Variants in PLPPR5 observed in about 807,000 individuals in gnomAD.
PLPPR5 encodes phospholipid phosphatase related 5.
PLPPR5 carries 16 observed loss-of-function variants against 33.9 expected under a neutral mutation model. The ratio of observed to expected loss-of-function variants is 0.47; its 90% CI spans 0.32 to 0.72. The LOEUF (loss-of-function observed/expected upper bound fraction) is 0.72. Among genes scored for constraint, PLPPR5 ranks in the 30% least tolerant of loss-of-function variants. The probability of loss-of-function intolerance (pLI) is 0.03; values close to 1 mark genes in which losing one functional copy is unlikely to be tolerated. For missense variants in PLPPR5, 301 were observed against 406.7 expected (o/e 0.74, Z 2.23); for synonymous variants, 163 against 150.3 (o/e 1.08, Z -0.62).
intron 5 of PLPPR5, among the ~76,000 whole-genome samples, chr1:98,910,618 C>A (rs751956781): frequency 1.8e-4 from 28 of 151,964 alleles, no homozygotes; most frequent in Non-Finnish European, 4.4e-5. Flanking sequence ...AATTATCTGC[C>A]CAATTATTTC....
chr1:98,985,942 A>AT (rs1404611454), intron 1 of PLPPR5, among the ~76,000 whole-genome samples: 1 of 152,022 alleles, frequency 6.6e-6, no homozygotes, highest in Non-Finnish European at 1.5e-5. Flanking sequence ...AATGCAACAT[A>AT]TTTTGAGGTG....
chr1:99,005,501 T>C (rs1312638899), upstream of PLPPR5, among the ~76,000 whole-genome samples: 1 of 152,152 alleles, frequency 6.6e-6, no homozygotes, highest in Non-Finnish European at 1.5e-5. Context: ...CAAATAATAA[T>C]AGAAATCATA....
chr1:98,970,420 T>C (rs932198807), intron 1 of PLPPR5, among the ~76,000 whole-genome samples: 6 of 152,028 alleles, frequency 3.9e-5, no homozygotes, highest in South Asian at 2.1e-4. Flanking sequence ...GAATTTATTA[T>C]GCAAGCCAAT....
intron 3 of PLPPR5, among the ~76,000 whole-genome samples, chr1:98,932,465 G>A (rs1181542031): frequency 6.6e-6 from 1 of 152,020 alleles, no homozygotes; most frequent in African/African-American, 2.4e-5. Flanking sequence ...TGGAGAGCTG[G>A]GCTTGTGTAT....
At chr1:98,902,414 C>T (rs747703302) in intron 5 of PLPPR5, among the ~76,000 whole-genome samples, 1 of 151,816 alleles carries the variant, frequency 6.6e-6, no homozygotes, top group African/African-American at 2.4e-5. Flanking sequence ...ACTTCCTATT[C>T]GTTTTTTGTT....
intron 1 of PLPPR5, among the ~76,000 whole-genome samples, chr1:98,977,857 AAAG>A (rs549979835): frequency 6.9e-4 from 105 of 152,000 alleles, no homozygotes; most frequent in African/African-American, 2.5e-3. Flanking sequence ...GCGCTTTAGA[AAAG>A]AAGGTTTTCA....
At chr1:98,962,899 C>T (rs532440580) in intron 1 of PLPPR5, among the ~76,000 whole-genome samples, 7 of 152,202 alleles carry the variant, frequency 4.6e-5, no homozygotes, top group Admixed American at 3.3e-4. Flanking sequence ...TGGCCTGAAG[C>T]GACCCTCCCA....
chr1:98,900,423 C>T (rs1460613456), intron 5 of PLPPR5, among the ~76,000 whole-genome samples: 2 of 152,060 alleles, frequency 1.3e-5, no homozygotes, highest in African/African-American at 4.8e-5. Context: ...TCCAGTATAG[C>T]CATCATCATC....
At chr1:98,997,593 ATTAG>A (rs754349759) in intron 1 of PLPPR5, among the ~76,000 whole-genome samples, 56 of 152,300 alleles carry the variant, frequency 3.7e-4, no homozygotes, top group African/African-American at 1.2e-3. Context: ...TGCATTAATA[ATTAG>A]TTAGGAGACC....
chr1:98,941,644 A>G (rs1318602103), intron 3 of PLPPR5, among the ~76,000 whole-genome samples: 2 of 151,838 alleles, frequency 1.3e-5, no homozygotes, highest in Admixed American at 6.6e-5. Context: ...ATAAGTCTCT[A>G]TAATAGAAAG....
chr1:98,897,306 G>C (rs1211863148), intron 5 of PLPPR5, among the ~76,000 whole-genome samples: 1 of 152,170 alleles, frequency 6.6e-6, no homozygotes, highest in Non-Finnish European at 1.5e-5. Flanking sequence ...TTATCCAGCT[G>C]AAGAGCCTGG....
chr1:98,991,074 T>C (rs1172139430), intron 1 of PLPPR5: 1 of 152,140 alleles, frequency 6.6e-6, no homozygotes, highest in Non-Finnish European at 1.5e-5. Flanking sequence ...TACTACATCA[T>C]ATATACTACA....
chr1:98,900,108 AG>A (rs2101134714), intron 5 of PLPPR5, among the ~76,000 whole-genome samples: 1 of 152,254 alleles, frequency 6.6e-6, no homozygotes, highest in South Asian at 2.1e-4. Flanking sequence ...TTTGGCCATG[AG>A]GAAATTTCCT....
At chr1:98,961,749 C>T (rs1398899068) in intron 1 of PLPPR5, among the ~76,000 whole-genome samples, 3 of 152,086 alleles carry the variant, frequency 2.0e-5, no homozygotes, top group Non-Finnish European at 4.4e-5. Context: ...ATATATTTCT[C>T]TTTTTCCTCT....
At chr1:98,991,421 T>C (rs1652447276) in intron 1 of PLPPR5, 1 of 152,120 alleles carries the variant, frequency 6.6e-6, no homozygotes, top group East Asian at 1.9e-4. Context: ...TCTACTCCAT[T>C]TGCAAAATAA....
chr1:98,957,085 A>G (rs1374009274), intron 1 of PLPPR5, among the ~76,000 whole-genome samples: 1 of 151,528 alleles, frequency 6.6e-6, no homozygotes. Context: ...CTATCGCAAG[A>G]ACAAAAAACC....
At chr1:98,978,657 T>C (rs984337684) in intron 1 of PLPPR5, among the ~76,000 whole-genome samples, 1 of 152,066 alleles carries the variant, frequency 6.6e-6, no homozygotes, top group African/African-American at 2.4e-5. Context: ...TTTTAATCTG[T>C]TTCTTCTTCT....
chr1:98,960,501 G>C (rs889979199), intron 1 of PLPPR5, among the ~76,000 whole-genome samples: 2 of 152,120 alleles, frequency 1.3e-5, no homozygotes, highest in Admixed American at 1.3e-4. Flanking sequence ...ACCGTGCCCA[G>C]CCTGCTCTCA....
At chr1:98,926,723 C>T (rs1649781443) in intron 3 of PLPPR5, among the ~76,000 whole-genome samples, 1 of 151,984 alleles carries the variant, frequency 6.6e-6, no homozygotes, top group Admixed American at 6.6e-5. Context: ...TATCTTTCTC[C>T]CAGATTCTAG....
Sources: gnomAD v4.1 joint callset for allele counts (sites outside exome capture counted in the v4.1 genomes callset) on GRCh38, gnomAD v4.1.1 for gene constraint, MANE v1.5 for transcripts, NCBI Gene and HGNC (gene_info 2026-07-23, HGNC 2026-07-21) for gene names.